The following GRIP2 variants were observed in gnomAD, a reference collection of about 807,000 sequenced individuals.
GRIP2 encodes the protein glutamate receptor interacting protein 2.
A neutral mutation model predicts 108.3 loss-of-function variants in GRIP2; 58 were observed. The observed-to-expected ratio is 0.54, with a 90% CI of 0.43 to 0.67. GRIP2 has a LOEUF of 0.67. GRIP2 is among the 30% of genes least tolerant of loss of function. GRIP2 has a pLI of 0.00. For missense variants in GRIP2, 1,278 were observed against 1,430.6 expected (o/e 0.89, Z 1.72); for synonymous variants, 586 against 598.2 (o/e 0.98, Z 0.30).
At chr3:14,543,125 A>AT (rs750472880), upstream of GRIP2, among the ~76,000 whole-genome samples, 17 of 152,214 alleles carry the variant, frequency 1.1e-4, no homozygotes, top group Non-Finnish European at 2.4e-4. Context: ...GAAATCCCAC[A>AT]TGACTAAGTG....
intron 8 of GRIP2, 40 bp downstream of exon 8, chr3:14,520,350 C>CGGA: frequency 6.2e-7 from 1 of 1,610,746 alleles, no homozygotes; most frequent in South Asian, 1.1e-5. Flanking sequence ...CTCTCCCCTG[C>CGGA]ACACACCTCC....
the GRIP2 span, among the ~76,000 whole-genome samples, chr3:14,591,116 T>C: frequency 2.6e-5 from 4 of 152,206 alleles, no homozygotes; most frequent in Admixed American, 2.0e-4. Context: ...CTCTCCACTC[T>C]GTGCTTTTGC....
At chr3:14,542,104 G>C (rs544252259), upstream of GRIP2, 1 of 1,301,190 alleles carries the variant, frequency 7.7e-7, no homozygotes, top group South Asian at 1.2e-5. Context: ...GTTGGAGTTA[G>C]ATCTGCCCCT....
In GRIP2 at chr3:14,555,129, C is replaced by CT. The variant is rs1481938742; in HGVS notation, c.55+770dup. ...CCACCCTAAGCCCCTTCCTAGCACTCTGAGGGGCTGAGCATGTGTCCAGGG... is the reference window on the plus strand; with the variant it reads ...CCACCCTAAGCCCCTTCCTAGCACTCTTGAGGGGCTGAGCATGTGTCCAGGG... On this transcript the variant is annotated intron_variant, in intron 1 of 23. Coordinates refer to the GRIP2 transcript ENST00000637182. 2.6e-5 allele frequency among the ~76,000 whole-genome samples: 4 copies of CT among 152,264 alleles called. No homozygotes were observed. In the East Asian group the frequency reaches 7.7e-4, roughly 29 times the overall value.
chr3:14,583,777 A>G, the GRIP2 span, among the ~76,000 whole-genome samples: 1 of 152,196 alleles, frequency 6.6e-6, no homozygotes, highest in Non-Finnish European at 1.5e-5. Context: ...TTTATGTGTC[A>G]TGCATATTTA....
At chr3:14,523,529 T>C (rs1348534657) in intron 5 of GRIP2, 83 bp downstream of exon 5, 23 of 907,564 alleles carry the variant, frequency 2.5e-5, no homozygotes, top group Non-Finnish European at 3.7e-5. Context: ...ATAAATTACA[T>C]TCAAATCCAA....
chr3:14,594,981 G>A, the GRIP2 span, among the ~76,000 whole-genome samples: 46,871 of 152,106 alleles, frequency 0.31, 8,283 homozygotes, highest in African/African-American at 0.49. Flanking sequence ...ACTGCAGCCT[G>A]GAACTCCTGG....
chr3:14,528,636 G>C (rs752125626), intron 1 of GRIP2, among the ~76,000 whole-genome samples: 1 of 151,680 alleles, frequency 6.6e-6, no homozygotes, highest in Non-Finnish European at 1.5e-5. Flanking sequence ...TAGAAGGATT[G>C]CTTGAGCCCA....
At chr3:14,550,413 G>A (rs2124977744) in intron 1 of GRIP2, among the ~76,000 whole-genome samples, 1 of 151,976 alleles carries the variant, frequency 6.6e-6, no homozygotes, top group East Asian at 1.9e-4. Flanking sequence ...TCAACTCACT[G>A]CTGGCCATCC....
chr3:14,523,169 A>T, intron 5 of GRIP2, 94 bp from the exon 6 acceptor site: 1 of 929,022 alleles, frequency 1.1e-6, no homozygotes, highest in Non-Finnish European at 1.7e-6. Flanking sequence ...CTTCAATAAA[A>T]CCTGTTTGAG....
chr3:14,601,191 G>A, the GRIP2 span, among the ~76,000 whole-genome samples: 2 of 152,116 alleles, frequency 1.3e-5, no homozygotes, highest in Non-Finnish European at 2.9e-5. Context: ...TGGACTGTGT[G>A]CTTTGCCAGG....
rs779507602 is a variant in GRIP2, at chr3:14,513,824, G to T, written c.1494-14C>A. The T allele has an allele frequency of 6.2e-7, 1 of 1,610,438 alleles. No individual in the cohort carries two copies. Among genetic ancestry groups the T allele is most frequent in the East Asian group, 2.2e-5 (1 of 44,804 alleles). On this transcript the variant is annotated splice_polypyrimidine_tract_variant and intron_variant, in intron 12 of 23. Transcript: ENST00000621039. ...AGCAGCCCACACCTGAACCCAGGGG[G>T]CCCGGCAGAGAGAAGAGGCTCCGTG...
At chr3:14,551,751 C>A (rs1172845607) in intron 1 of GRIP2, among the ~76,000 whole-genome samples, 1 of 152,134 alleles carries the variant, frequency 6.6e-6, no homozygotes, top group Non-Finnish European at 1.5e-5. Flanking sequence ...AAGGAACGCC[C>A]CCGGGGTGAA....
At position 14,506,972 on chromosome 3, in the gene GRIP2, G is replaced by C. The variant is rs755641484; in HGVS notation, c.2227C>G (p.Leu743Val). 1.2e-6 allele frequency: 2 copies of C among 1,602,990 alleles called. No homozygotes were observed. The highest frequency in any genetic ancestry group is 2.2e-5 in the South Asian group (2 of 88,890). Residue 743 changes from leucine to valine, a missense_variant, in exon 19 of 24, where the codon CTA becomes GTA. Coordinates refer to ENST00000621039, the MANE Select transcript of GRIP2 (RefSeq NM_001080423.4). ...CTGAGGCTGCCCGACTTGCGGGGTA[G>C]GAGGGGACCTGGGAGGAGAGAGGGG... is the stretch of plus-strand genomic sequence containing the variant. ...KIKKQLDRPL[L>V]PRKSGSLSET... is the part of the protein sequence containing the mutation.
At chr3:14,576,372 A>G in the GRIP2 span, among the ~76,000 whole-genome samples, 1 of 152,242 alleles carries the variant, frequency 6.6e-6, no homozygotes, top group Non-Finnish European at 1.5e-5. Flanking sequence ...AGTAACCAGC[A>G]CAAGGTCACA....
chr3:14,572,148 A>G, the GRIP2 span, among the ~76,000 whole-genome samples: 1 of 152,200 alleles, frequency 6.6e-6, no homozygotes, highest in South Asian at 2.1e-4. Context: ...ATGTTTAGGC[A>G]CCGGAGTATT....
chr3:14,537,375 C>T (rs1694858767), intron 1 of GRIP2, among the ~76,000 whole-genome samples: 1 of 152,250 alleles, frequency 6.6e-6, no homozygotes, highest in Non-Finnish European at 1.5e-5. Context: ...TCCCTCCCTG[C>T]TTCATGTTCC....
In GRIP2 at chr3:14,496,447, C is replaced by A; in HGVS notation, c.2793G>T (p.Leu931=). The change falls in exon 22 of 24, where the codon CTG becomes CTT. Residue 931 remains leucine, a synonymous_variant. Transcript: ENST00000621039. ...GCATCTCCAAGGGTGTAGGCAGCAACAGCTCCTCCATTTCTGCAGGAGAGG... is the reference window on the plus strand; with the variant it reads ...GCATCTCCAAGGGTGTAGGCAGCAAAAGCTCCTCCATTTCTGCAGGAGAGG... ...VRASPAEMEE[L]LLPTPLEMHK... 6.2e-7 allele frequency: 1 copy of A among 1,612,740 alleles called. No individual in the cohort carries two copies. The highest frequency in any genetic ancestry group is 8.5e-7 in the Non-Finnish European group (1 of 1,179,356).
upstream of GRIP2, among the ~76,000 whole-genome samples, chr3:14,557,696 CCA>C (rs1454720100): frequency 1.3e-5 from 2 of 152,236 alleles, no homozygotes; most frequent in Non-Finnish European, 2.9e-5. Flanking sequence ...AGCCCCTGTC[CCA>C]TCCCCACTGT....
Sources: gnomAD v4.1 joint callset for allele counts (sites outside exome capture counted in the v4.1 genomes callset) on GRCh38, gnomAD v4.1.1 for gene constraint, MANE v1.5 for transcripts, NCBI Gene and HGNC (gene_info 2026-07-23, HGNC 2026-07-21) for gene names.